Variants in CRIM1 observed in about 807,000 individuals in gnomAD.
CRIM1 encodes cysteine-rich motor neuron 1 protein.
A neutral mutation model predicts 116.4 loss-of-function variants in CRIM1; 32 were observed. The observed-to-expected ratio is 0.27, with a 90% CI of 0.21 to 0.37. The LOEUF is 0.37. Ranked by LOEUF, CRIM1 falls within the 10% of genes least tolerant of loss-of-function variation. CRIM1 has a pLI of 1.00. For synonymous variants in CRIM1, 590 were observed against 509.2 expected (o/e 1.16, Z -2.13); for missense variants, 1,331 against 1,354.8 (o/e 0.98, Z 0.28).
chr2:36,550,936 T>A lies in CRIM1; in HGVS notation c.*2235T>A, dbSNP rs1375924047. ...TAAAGATATGATTTATCCTGAGTGCTGTATCTATTACTCTTTTACTTTGGT... is the reference window on the plus strand; with the variant it reads ...TAAAGATATGATTTATCCTGAGTGCAGTATCTATTACTCTTTTACTTTGGT... On this transcript the variant is annotated 3_prime_UTR_variant, in exon 17 of 17. Transcript: ENST00000280527. 2 of 152,642 alleles carry A rather than the reference T, an allele frequency of 1.3e-5. No homozygotes were observed. Among genetic ancestry groups the A allele is most frequent in the Admixed American group, 6.5e-5 (1 of 15,280 alleles). The allele number at this position is 152,642 out of a possible 1,614,324, so 9.5% of individuals were successfully genotyped here.
At chr2:36,489,241 G>C (rs1680055177) in intron 7 of CRIM1, among the ~76,000 whole-genome samples, 1 of 152,162 alleles carries the variant, frequency 6.6e-6, no homozygotes, top group Non-Finnish European at 1.5e-5. Flanking sequence ...GAAGACAGGA[G>C]ATCATGTTGT....
intron 5 of CRIM1, among the ~76,000 whole-genome samples, chr2:36,474,847 C>CAGAAAAAAAAAA (rs1678830345): frequency 1.1e-5 from 1 of 90,764 alleles, no homozygotes. Context: ...GACTCTATAT[C>CAGAAAAAAAAAA]AAAAAAAAAA....
At chr2:36,423,744 G>A (rs1674247002) in intron 2 of CRIM1, among the ~76,000 whole-genome samples, 1 of 152,164 alleles carries the variant, frequency 6.6e-6, no homozygotes, top group South Asian at 2.1e-4. Flanking sequence ...AGAATCTTTT[G>A]TAACTATTTA....
At chr2:36,481,660 G>A (rs1236240233) in intron 7 of CRIM1, among the ~76,000 whole-genome samples, 1 of 152,202 alleles carries the variant, frequency 6.6e-6, no homozygotes, top group Admixed American at 6.5e-5. Context: ...CACTGCTGAA[G>A]CCTTTATTAT....
At chr2:36,381,273 T>C (rs1274486225) in intron 1 of CRIM1, among the ~76,000 whole-genome samples, 1 of 151,522 alleles carries the variant, frequency 6.6e-6, no homozygotes, top group Non-Finnish European at 1.5e-5. Context: ...GGCCTTGAGG[T>C]GGGATGGAGG....
chr2:36,396,853 T>C, intron 2 of CRIM1, 66 bp downstream of exon 2: 1 of 1,344,984 alleles, frequency 7.4e-7, no homozygotes, highest in Non-Finnish European at 1.0e-6. Context: ...TGAGTAGTAA[T>C]AGTATTTGAG....
At position 36,473,151 on chromosome 2, in the gene CRIM1, T is replaced by C. The variant is rs550841302; in HGVS notation, c.992-3738T>C. Reference sequence around the variant, plus strand: ...GGGTTGTTATAAAATAAATATAAAGTAATTGTCCTTGAGTACAATGCAAAT... The same window carrying C: ...GGGTTGTTATAAAATAAATATAAAGCAATTGTCCTTGAGTACAATGCAAAT... On this transcript the variant is annotated intron_variant, in intron 5 of 16. Transcript: ENST00000280527. Among the ~76,000 whole-genome samples, 8 of 152,322 alleles carry C rather than the reference T, an allele frequency of 5.3e-5. No individual in the cohort carries two copies. In the South Asian group the frequency reaches 1.7e-3, roughly 32 times the overall value.
intron 10 of CRIM1, 152 bp from the exon 11 acceptor site, chr2:36,513,404 T>C: frequency 1.6e-6 from 1 of 631,292 alleles, no homozygotes; most frequent in Non-Finnish European, 2.8e-6. Context: ...CATACTGACT[T>C]AAATTCTTTT....
In CRIM1 at chr2:36,478,838, C is replaced by T. The variant is rs565020684; in HGVS notation, c.1175-659C>T. 7.4e-5 allele frequency among the ~76,000 whole-genome samples: 11 copies of T among 149,156 alleles called. No homozygotes were observed. The South Asian group carries it at 2.3e-3, about 32-fold the overall frequency. ...ATATACTTGTCAGTAACCTCAGAAACTTTTTTTTTTTTACAGTAGCTTTGG... is the reference window on the plus strand; with the variant it reads ...ATATACTTGTCAGTAACCTCAGAAATTTTTTTTTTTTTACAGTAGCTTTGG... On this transcript the variant is annotated intron_variant, in intron 6 of 16. Coordinates refer to ENST00000280527, the MANE Select transcript of CRIM1 (RefSeq NM_016441.3).
At chr2:36,508,221 T>G (rs1351909469) in intron 8 of CRIM1, among the ~76,000 whole-genome samples, 1 of 152,214 alleles carries the variant, frequency 6.6e-6, no homozygotes, top group Non-Finnish European at 1.5e-5. Context: ...TATTTATATG[T>G]GTAATAAAAG....
chr2:36,381,022 A>G (rs1237302208), intron 1 of CRIM1, among the ~76,000 whole-genome samples: 9 of 152,038 alleles, frequency 5.9e-5, no homozygotes, highest in African/African-American at 2.2e-4. Context: ...CTGCCCCATG[A>G]CTTTGTCCCA....
intron 2 of CRIM1, among the ~76,000 whole-genome samples, chr2:36,436,596 G>T (rs1302839208): frequency 6.6e-6 from 1 of 152,156 alleles, no homozygotes; most frequent in Admixed American, 6.5e-5. Context: ...TAATCAGAAT[G>T]TCATAATTAA....
chr2:36,375,745 C>A (rs1237374049), intron 1 of CRIM1, among the ~76,000 whole-genome samples: 1 of 152,164 alleles, frequency 6.6e-6, no homozygotes, highest in Non-Finnish European at 1.5e-5. Context: ...TACACTTTCA[C>A]AAATACTTTT....
intron 2 of CRIM1, among the ~76,000 whole-genome samples, chr2:36,414,796 G>A (rs1441936813): frequency 6.6e-6 from 1 of 152,210 alleles, no homozygotes; most frequent in East Asian, 1.9e-4. Context: ...GAGTGTTGGG[G>A]AGAGTGGCAG....
chr2:36,461,456 C>T (rs921807108), intron 4 of CRIM1, among the ~76,000 whole-genome samples: 7 of 152,156 alleles, frequency 4.6e-5, no homozygotes, highest in Non-Finnish European at 8.8e-5. Context: ...TTCTGTAGTT[C>T]AGCATTTCCT....
At chr2:36,414,180 G>C (rs1244245426) in intron 2 of CRIM1, among the ~76,000 whole-genome samples, 3 of 152,158 alleles carry the variant, frequency 2.0e-5, no homozygotes, top group Non-Finnish European at 4.4e-5. Context: ...ACCGGTGATT[G>C]TGGGCCATTT....
chr2:36,460,671 CTTTT>C, intron 4 of CRIM1, among the ~76,000 whole-genome samples: 1 of 152,262 alleles, frequency 6.6e-6, no homozygotes, highest in East Asian at 1.9e-4. Flanking sequence ...TCCTCACTTT[CTTTT>C]GTGTTTTTGT....
At chr2:36,499,172 G>T (rs766099530) in intron 7 of CRIM1, 47 bp from the exon 8 acceptor site, 6 of 1,463,840 alleles carry the variant, frequency 4.1e-6, no homozygotes, top group African/African-American at 1.4e-5. Context: ...GCATCTAAAA[G>T]GTAATCATAT....
Position 36,535,870 on chromosome 2 carries a change from G to A in CRIM1, c.2429-1482G>A, listed in dbSNP as rs1414787995. ...TTACATAGCATTTACATCGTGTTAG[G>A]TATTGCAAGTAATCTAGAGATGGCC... On this transcript the variant is annotated intron_variant, in intron 13 of 16. Coordinates refer to ENST00000280527, the MANE Select transcript of CRIM1 (RefSeq NM_016441.3). 2.0e-5 allele frequency among the ~76,000 whole-genome samples: 3 copies of A among 152,174 alleles called. No homozygotes were observed. The East Asian group carries it at 5.8e-4, about 29-fold the overall frequency.
Sources: gnomAD v4.1 joint callset for allele counts (sites outside exome capture counted in the v4.1 genomes callset) on GRCh38, gnomAD v4.1.1 for gene constraint, MANE v1.5 for transcripts, NCBI Gene and HGNC (gene_info 2026-07-23, HGNC 2026-07-21) for gene names.